Variants in ABTB3 observed in about 807,000 individuals in gnomAD.
ABTB3 encodes ankyrin repeat- and BTB/POZ domain-containing protein 3.
At chr12:107,357,265 C>T in the ABTB3 span, among the ~76,000 whole-genome samples, 6 of 152,206 alleles carry the variant, frequency 3.9e-5, no homozygotes, top group East Asian at 1.9e-4. Flanking sequence ...CCAACTGCTC[C>T]GTTGTGGGCA....
the ABTB3 span, among the ~76,000 whole-genome samples, chr12:107,488,151 A>G: frequency 6.6e-6 from 1 of 152,070 alleles, no homozygotes; most frequent in African/African-American, 2.4e-5. Context: ...AGCAGTCAAG[A>G]GTCTGGGTAT....
chr12:107,345,225 G>T, the ABTB3 span, among the ~76,000 whole-genome samples: 2 of 152,000 alleles, frequency 1.3e-5, no homozygotes, highest in Non-Finnish European at 2.9e-5. Flanking sequence ...GAATAGATGG[G>T]CAAAAAAAGA....
the ABTB3 span, among the ~76,000 whole-genome samples, chr12:107,412,378 T>A: frequency 6.6e-6 from 1 of 152,188 alleles, no homozygotes; most frequent in African/African-American, 2.4e-5. Flanking sequence ...TCGGATATTA[T>A]TCATCCAAGC....
chr12:107,544,103 A>T, the ABTB3 span: 1 of 1,613,792 alleles, frequency 6.2e-7, no homozygotes, highest in Non-Finnish European at 8.5e-7. Context: ...GAAAACCCCA[A>T]CGTGGAGCCT....
At chr12:107,349,997 A>G in the ABTB3 span, among the ~76,000 whole-genome samples, 46 of 152,304 alleles carry the variant, frequency 3.0e-4, no homozygotes, top group Non-Finnish European at 5.6e-4. Context: ...TGAGATTGAC[A>G]ATGCGAGAGC....
the ABTB3 span, among the ~76,000 whole-genome samples, chr12:107,454,996 G>A: frequency 5.3e-5 from 8 of 152,324 alleles, no homozygotes; most frequent in African/African-American, 1.7e-4. Context: ...AGGAAACTGA[G>A]GCTTAGCAAG....
the ABTB3 span, among the ~76,000 whole-genome samples, chr12:107,513,225 G>A: frequency 6.6e-6 from 1 of 152,194 alleles, no homozygotes; most frequent in Non-Finnish European, 1.5e-5. Context: ...TTGAAGGTTG[G>A]ATGGATCAAT....
the ABTB3 span, among the ~76,000 whole-genome samples, chr12:107,614,333 G>T: frequency 1.2e-4 from 19 of 152,080 alleles, no homozygotes; most frequent in Non-Finnish European, 2.2e-4. Flanking sequence ...CCCATATTTC[G>T]GTAGTGCAAG....
the ABTB3 span, among the ~76,000 whole-genome samples, chr12:107,386,405 A>G: frequency 6.6e-6 from 1 of 152,222 alleles, no homozygotes; most frequent in Non-Finnish European, 1.5e-5. Flanking sequence ...TCCCCAGTGC[A>G]TAGCACAGAG....
chr12:107,506,222 G>A, the ABTB3 span, among the ~76,000 whole-genome samples: 1 of 152,140 alleles, frequency 6.6e-6, no homozygotes, highest in Non-Finnish European at 1.5e-5. Flanking sequence ...AGAAAACATG[G>A]TTAAGTTTTT....
chr12:107,613,232 G>A, the ABTB3 span, among the ~76,000 whole-genome samples: 2 of 152,172 alleles, frequency 1.3e-5, no homozygotes, highest in African/African-American at 4.8e-5. Flanking sequence ...GAGCACTCCT[G>A]AGCCATCAGC....
the ABTB3 span, among the ~76,000 whole-genome samples, chr12:107,361,731 G>T: frequency 6.6e-6 from 1 of 152,288 alleles, no homozygotes; most frequent in African/African-American, 2.4e-5. Flanking sequence ...AGATGGAAAT[G>T]CTGCTTGTAT....
the ABTB3 span, among the ~76,000 whole-genome samples, chr12:107,466,878 G>A: frequency 6.6e-6 from 1 of 152,136 alleles, no homozygotes; most frequent in Non-Finnish European, 1.5e-5. Context: ...TTGAAGGATG[G>A]ATAGGAGTTG....
At chr12:107,571,810 G>A in the ABTB3 span, among the ~76,000 whole-genome samples, 14 of 152,352 alleles carry the variant, frequency 9.2e-5, no homozygotes, top group Admixed American at 2.0e-4. Flanking sequence ...AGCAGCTAGC[G>A]GAGAGAGGCA....
chr12:107,377,414 AGTGTGTGTGTGTGTGTGT>A, the ABTB3 span, among the ~76,000 whole-genome samples: 2 of 146,502 alleles, frequency 1.4e-5, no homozygotes, highest in African/African-American at 5.0e-5. Context: ...AGAGAGCAAG[AGTGTGTGTGTGTGTGTGT>A]GTGTGTGTGT....
At chr12:107,500,576 G>A in the ABTB3 span, among the ~76,000 whole-genome samples, 6 of 152,116 alleles carry the variant, frequency 3.9e-5, no homozygotes, top group Admixed American at 1.3e-4. Flanking sequence ...GCTCTGAGCC[G>A]GTTACCCCCC....
the ABTB3 span, among the ~76,000 whole-genome samples, chr12:107,341,725 T>C: frequency 6.6e-6 from 1 of 152,156 alleles, no homozygotes; most frequent in African/African-American, 2.4e-5. Flanking sequence ...CCAAATCACA[T>C]GTTGAAATGT....
the ABTB3 span, among the ~76,000 whole-genome samples, chr12:107,409,071 A>G: frequency 6.6e-6 from 1 of 152,202 alleles, no homozygotes; most frequent in Admixed American, 6.5e-5. Context: ...CAGCTAAGCT[A>G]TATTTCTCCC....
the ABTB3 span, among the ~76,000 whole-genome samples, chr12:107,492,766 C>T: frequency 6.6e-6 from 1 of 152,274 alleles, no homozygotes. Flanking sequence ...AAAACAGTGT[C>T]TCAGTGAAAG....
Sources: allele counts gnomAD v4.1 joint callset (sites outside exome capture counted in the v4.1 genomes callset), GRCh38; gene constraint gnomAD v4.1.1; transcripts MANE v1.5; gene names NCBI Gene and HGNC (gene_info 2026-07-23, HGNC 2026-07-21).